Variants in CDH12 observed in about 807,000 individuals in gnomAD.
The protein encoded by CDH12 is cadherin 12.
Under a neutral mutation model 74.1 loss-of-function variants are expected in CDH12, and 41 were observed. The observed-to-expected ratio is 0.55, with a 90% CI of 0.43 to 0.72. The LOEUF is 0.72. Among genes scored for constraint, CDH12 ranks in the 30% least tolerant of loss-of-function variants. CDH12 has a pLI of 0.00. For missense variants in CDH12, 945 were observed against 977.2 expected (o/e 0.97, Z 0.44); for synonymous variants, 399 against 355.0 (o/e 1.12, Z -1.39).
intron 3 of CDH12, among the ~76,000 whole-genome samples, chr5:22,214,792 T>C (rs1751736982): frequency 6.6e-6 from 1 of 152,192 alleles, no homozygotes; most frequent in African/African-American, 2.4e-5. Context: ...TCCAACTCCA[T>C]GAGACTGCCC....
At chr5:22,200,929 G>C (rs1343885695) in intron 4 of CDH12, among the ~76,000 whole-genome samples, 1 of 152,158 alleles carries the variant, frequency 6.6e-6, no homozygotes, top group Non-Finnish European at 1.5e-5. Flanking sequence ...TCTGTGATTG[G>C]ATTATAAGGG....
chr5:22,719,377 G>A (rs773952232), intron 1 of CDH12, among the ~76,000 whole-genome samples: 6 of 152,084 alleles, frequency 3.9e-5, no homozygotes, highest in African/African-American at 1.4e-4. Flanking sequence ...AGATGGTTAC[G>A]GTGATGGTAG....
intron 1 of CDH12, among the ~76,000 whole-genome samples, chr5:22,699,615 T>C (rs1162021075): frequency 6.6e-6 from 1 of 152,108 alleles, no homozygotes; most frequent in Non-Finnish European, 1.5e-5. Flanking sequence ...CACACATGAT[T>C]TTCCGAGATA....
chr5:21,899,344 C>T (rs1233809202), intron 6 of CDH12, among the ~76,000 whole-genome samples: 1 of 152,150 alleles, frequency 6.6e-6, no homozygotes, highest in African/African-American at 2.4e-5. Context: ...CCTCATAATA[C>T]TCAGAGAACC....
intron 5 of CDH12, among the ~76,000 whole-genome samples, chr5:22,015,385 C>G (rs1341599910): frequency 6.6e-6 from 1 of 152,038 alleles, no homozygotes; most frequent in African/African-American, 2.4e-5. Context: ...GTACCAATCC[C>G]TTTTAAAATT....
rs542201860 is a variant in CDH12, at chr5:22,706,793, A to G, written c.-523+146265T>C. ...GTTGTTGGGATTTTAAATGCTGTTC[A>G]TAGATATCTAAGCCAGTAAAACCAT... On this transcript the variant is annotated intron_variant, in intron 1 of 14. Coordinates refer to ENST00000382254, the MANE Select transcript of CDH12 (RefSeq NM_004061.5). Among the ~76,000 whole-genome samples the G allele has an allele frequency of 6.6e-5, 10 of 152,266 alleles. No individual in the cohort carries two copies. The East Asian group carries it at 1.9e-3, about 29-fold the overall frequency.
At chr5:22,560,639 T>TA (rs925953503) in intron 1 of CDH12, among the ~76,000 whole-genome samples, 31 of 152,108 alleles carry the variant, frequency 2.0e-4, no homozygotes, top group African/African-American at 7.2e-4. Flanking sequence ...ATAAAGGTAA[T>TA]AAAAAAATCA....
In CDH12 at chr5:22,664,487, T is replaced by G. The variant is rs535033624; in HGVS notation, c.-522-159123A>C. Among the ~76,000 whole-genome samples, 4 of 152,286 alleles carry G rather than the reference T, an allele frequency of 2.6e-5. No homozygotes were observed. In the South Asian group the frequency reaches 8.3e-4, roughly 32 times the overall value. On this transcript the variant is annotated intron_variant, in intron 1 of 14. Coordinates refer to ENST00000382254, the MANE Select transcript of CDH12 (RefSeq NM_004061.5). ...GTCACGAGAAGAGCATGGGGAAAACTGCCCCTGTGATTCAATTATCTCCAC... is the reference window on the plus strand; with the variant it reads ...GTCACGAGAAGAGCATGGGGAAAACGGCCCCTGTGATTCAATTATCTCCAC...
intron 3 of CDH12, among the ~76,000 whole-genome samples, chr5:22,365,954 T>C (rs983573706): frequency 1.5e-4 from 23 of 152,096 alleles, no homozygotes; most frequent in Non-Finnish European, 2.5e-4. Flanking sequence ...AGTCTATTTA[T>C]CTTTTTGTTT....
chr5:22,672,808 C>A (rs1740973682), intron 1 of CDH12, among the ~76,000 whole-genome samples: 2 of 151,998 alleles, frequency 1.3e-5, no homozygotes, highest in Admixed American at 1.3e-4. Flanking sequence ...TTTGCATATT[C>A]CTCTATTCTC....
intron 2 of CDH12, among the ~76,000 whole-genome samples, chr5:22,487,893 T>A (rs1219727194): frequency 6.6e-6 from 1 of 152,202 alleles, no homozygotes; most frequent in African/African-American, 2.4e-5. Flanking sequence ...TTTAACAACA[T>A]TATGTGCTTG....
chr5:22,548,361 C>T lies in CDH12; in HGVS notation c.-522-42997G>A, dbSNP rs759871864. Among the ~76,000 whole-genome samples the T allele has an allele frequency of 2.0e-4, 30 of 152,138 alleles. 1 individual carries two copies. Among genetic ancestry groups the T allele is most frequent in the Non-Finnish European group, 2.5e-4 (17 of 68,022 alleles). On this transcript the variant is annotated intron_variant, in intron 1 of 14. Transcript: ENST00000382254. ...TAACACGTTTCCAATGCTTCTGCAA[C>T]CCTCCACTACCCTGTGTGGCTTGTA...
At chr5:22,195,253 A>T (rs1750554964) in intron 4 of CDH12, among the ~76,000 whole-genome samples, 1 of 152,168 alleles carries the variant, frequency 6.6e-6, no homozygotes, top group African/African-American at 2.4e-5. Flanking sequence ...CCTCCTCAGC[A>T]GTAGTGTGCT....
chr5:21,826,074 A>G (rs1448782392), intron 8 of CDH12, among the ~76,000 whole-genome samples: 1 of 152,092 alleles, frequency 6.6e-6, no homozygotes, highest in Non-Finnish European at 1.5e-5. Context: ...TTTGCAGGCT[A>G]TGTTTATTCA....
chr5:22,654,346 A>G (rs1739911721), intron 1 of CDH12, among the ~76,000 whole-genome samples: 1 of 150,228 alleles, frequency 6.7e-6, no homozygotes, highest in African/African-American at 2.5e-5. Flanking sequence ...CTGGAGTGCA[A>G]TGGTGCAATC....
intron 4 of CDH12, among the ~76,000 whole-genome samples, chr5:22,203,505 C>T (rs952804143): frequency 6.6e-6 from 1 of 152,130 alleles, no homozygotes; most frequent in African/African-American, 2.4e-5. Flanking sequence ...CTGATGGACA[C>T]TTAGGTTGAT....
At chr5:21,797,548 T>C (rs984809817) in intron 10 of CDH12, among the ~76,000 whole-genome samples, 3 of 152,108 alleles carry the variant, frequency 2.0e-5, no homozygotes, top group African/African-American at 7.2e-5. Flanking sequence ...GACAACCCCT[T>C]GTGGAGATCA....
chr5:22,063,994 C>T (rs1203053212), intron 5 of CDH12, among the ~76,000 whole-genome samples: 2 of 140,236 alleles, frequency 1.4e-5, no homozygotes, highest in Non-Finnish European at 3.1e-5. Flanking sequence ...GAGATACACA[C>T]ACACACACAC....
At chr5:22,218,879 G>A (rs925635299) in intron 3 of CDH12, among the ~76,000 whole-genome samples, 7 of 151,546 alleles carry the variant, frequency 4.6e-5, no homozygotes, top group South Asian at 2.1e-4. Flanking sequence ...TAAAGAAACC[G>A]CATCGAAGAT....
Sources: gnomAD v4.1 joint callset for allele counts (sites outside exome capture counted in the v4.1 genomes callset) on GRCh38, gnomAD v4.1.1 for gene constraint, MANE v1.5 for transcripts, NCBI Gene and HGNC (gene_info 2026-07-23, HGNC 2026-07-21) for gene names.